ZNF277: variants seen among roughly 807,000 people sequenced by gnomAD.
ZNF277 encodes the protein zinc finger protein 277.
ZNF277 carries 55 observed loss-of-function variants against 60.7 expected under a neutral mutation model. That is an observed-to-expected ratio of 0.91 (90% confidence interval 0.73 to 1.13). ZNF277 has a LOEUF of 1.13. Ranked by LOEUF, ZNF277 falls within the 50% of genes most tolerant of loss-of-function variation. The pLI is 0.00. For synonymous variants in ZNF277, 178 were observed against 179.3 expected (o/e 0.99, Z 0.06); for missense variants, 510 against 523.0 (o/e 0.98, Z 0.24).
chr7:112,239,106 G>A (rs1242162626), intron 1 of ZNF277, among the ~76,000 whole-genome samples: 2 of 151,984 alleles, frequency 1.3e-5, no homozygotes, highest in African/African-American at 4.8e-5. Flanking sequence ...GGCATCAGGT[G>A]TGACCCAGCA....
intron 4 of ZNF277, among the ~76,000 whole-genome samples, chr7:112,309,585 T>C (rs546222594): frequency 6.6e-6 from 1 of 152,000 alleles, no homozygotes; most frequent in African/African-American, 2.4e-5. Flanking sequence ...TGTTGTTTTT[T>C]CTATTAATCC....
chr7:112,327,414 GC>G (rs1793123404), intron 5 of ZNF277, among the ~76,000 whole-genome samples: 1 of 152,194 alleles, frequency 6.6e-6, no homozygotes, highest in Admixed American at 6.5e-5. Flanking sequence ...TTTCTGTGCA[GC>G]CTGCTTCCTA....
At chr7:112,306,037 GATTA>G (rs550956107) in intron 4 of ZNF277, among the ~76,000 whole-genome samples, 1 of 152,032 alleles carries the variant, frequency 6.6e-6, no homozygotes, top group Non-Finnish European at 1.5e-5. Context: ...TTCTGCATCT[GATTA>G]ATGAGAATTT....
Position 112,238,503 on chromosome 7 carries a change from A to G in ZNF277, c.91+31696A>G, listed in dbSNP as rs79412881. Among the ~76,000 whole-genome samples, 782 of 152,280 alleles carry G rather than the reference A, an allele frequency of 5.1e-3. 14 individuals are homozygous for G. Among genetic ancestry groups the G allele is most frequent in the East Asian group, 0.051 (260 of 5,148 alleles). On this transcript the variant is annotated intron_variant, in intron 1 of 11. Coordinates refer to ENST00000361822, the MANE Select transcript of ZNF277 (RefSeq NM_021994.3). ...CCACAAGTAGTGTGATTCCTGGACA[A>G]ATCCTTGTGCTGTGCTGGGCTTGGA...
At position 112,296,228 on chromosome 7, in the gene ZNF277, G is replaced by T. The variant is rs181316730; in HGVS notation, c.383-1G>T. ...TATTTGTTTTCCTAATCTCTCAACA[G>T]AAGAACAAGAGAATTATTTTTTGTT... On this transcript the variant is annotated splice_acceptor_variant, in intron 3 of 11. Coordinates refer to ENST00000361822, the MANE Select transcript of ZNF277 (RefSeq NM_021994.3). LOFTEE classifies it high-confidence loss of function. 5.3e-5 allele frequency: 82 copies of T among 1,559,470 alleles called. No individual in the cohort carries two copies. Among genetic ancestry groups the T allele is most frequent in the Middle Eastern group, 1.7e-4 (1 of 5,930 alleles).
chr7:112,229,717 C>G (rs947303043), intron 1 of ZNF277, among the ~76,000 whole-genome samples: 1 of 152,222 alleles, frequency 6.6e-6, no homozygotes, highest in Non-Finnish European at 1.5e-5. Flanking sequence ...AAGTTCCTGT[C>G]TTGAAGGAGC....
intron 1 of ZNF277, among the ~76,000 whole-genome samples, chr7:112,274,137 GTT>G (rs1221514245): frequency 2.0e-5 from 3 of 151,706 alleles, no homozygotes; most frequent in African/African-American, 7.3e-5. Context: ...ACTTTCAAAA[GTT>G]TATTTTTTAT....
At chr7:112,286,401 A>G (rs1280253220) in intron 1 of ZNF277, among the ~76,000 whole-genome samples, 1 of 152,240 alleles carries the variant, frequency 6.6e-6, no homozygotes, top group African/African-American at 2.4e-5. Context: ...AAGAGTTTGC[A>G]GATGCGACAG....
At chr7:112,264,465 G>A (rs1791501670) in intron 1 of ZNF277, among the ~76,000 whole-genome samples, 1 of 152,034 alleles carries the variant, frequency 6.6e-6, no homozygotes, top group Non-Finnish European at 1.5e-5. Context: ...AGAAATGTAT[G>A]CAACCTAAGC....
intron 4 of ZNF277, among the ~76,000 whole-genome samples, chr7:112,309,195 C>G (rs1792667383): frequency 6.6e-6 from 1 of 151,908 alleles, no homozygotes; most frequent in South Asian, 2.1e-4. Flanking sequence ...GCAGTTTTTA[C>G]AAGAGTCAAC....
intron 1 of ZNF277, among the ~76,000 whole-genome samples, chr7:112,262,794 G>A (rs1587128770): frequency 6.6e-6 from 1 of 152,154 alleles, no homozygotes; most frequent in East Asian, 1.9e-4. Context: ...GGTTATAAAA[G>A]TTGATATATA....
chr7:112,319,976 C>T (rs908037755), intron 5 of ZNF277, among the ~76,000 whole-genome samples: 13 of 151,766 alleles, frequency 8.6e-5, no homozygotes, highest in East Asian at 3.9e-4. Context: ...AAAATATTTC[C>T]GATTTTATGT....
At chr7:112,341,175 G>A (rs545797227) in intron 11 of ZNF277, 129 bp downstream of exon 11, 2 of 775,166 alleles carry the variant, frequency 2.6e-6, no homozygotes, top group Non-Finnish European at 3.7e-6. Flanking sequence ...CATCAGTACA[G>A]TGTGGGGAAA....
chr7:112,209,523 A>G (rs928905477), intron 1 of ZNF277, among the ~76,000 whole-genome samples: 1 of 152,176 alleles, frequency 6.6e-6, no homozygotes, highest in African/African-American at 2.4e-5. Context: ...TGCGGTATCT[A>G]TAACATAAAA....
chr7:112,279,313 A>G (rs1463149322), intron 1 of ZNF277, among the ~76,000 whole-genome samples: 1 of 152,118 alleles, frequency 6.6e-6, no homozygotes, highest in Non-Finnish European at 1.5e-5. Context: ...TTACATTCCC[A>G]CCAACAGTAC....
At chr7:112,229,460 A>G (rs980709360) in intron 1 of ZNF277, among the ~76,000 whole-genome samples, 1 of 152,260 alleles carries the variant, frequency 6.6e-6, no homozygotes, top group African/African-American at 2.4e-5. Context: ...ACTGCATCTC[A>G]TAACCAACTT....
Position 112,206,737 on chromosome 7 carries a change from G to T in ZNF277, c.21G>T (p.Gln7His). 6.2e-7 allele frequency: 1 copy of T among 1,613,054 alleles called. No individual in the cohort carries two copies. The highest frequency in any genetic ancestry group is 1.1e-5 in the South Asian group (1 of 91,014). MAASKT[Q>H]GAVARMQEDR... ...GGGTAATGGCTGCTTCCAAGACCCA[G>T]GGGGCTGTCGCCCGAATGCAGGAAG... The change falls in exon 1 of 12, where the codon CAG becomes CAT. Residue 7 changes from glutamine to histidine, a missense_variant. Physicochemically the swap from Gln to His is conservative, Grantham distance 24 (BLOSUM62 0). Transcript: ENST00000361822.
chr7:112,316,999 C>G (rs1157680259), intron 4 of ZNF277, among the ~76,000 whole-genome samples: 1 of 151,956 alleles, frequency 6.6e-6, no homozygotes, highest in African/African-American at 2.4e-5. Flanking sequence ...ATGTCCTTAG[C>G]AAGGACATGG....
At chr7:112,256,711 G>T (rs550600276) in intron 1 of ZNF277, among the ~76,000 whole-genome samples, 2 of 152,248 alleles carry the variant, frequency 1.3e-5, no homozygotes, top group East Asian at 3.9e-4. Context: ...CTCCCAAAGT[G>T]CTGGGATTAC....
Sources: allele counts gnomAD v4.1 joint callset (sites outside exome capture counted in the v4.1 genomes callset), GRCh38; gene constraint gnomAD v4.1.1; transcripts MANE v1.5; gene names NCBI Gene and HGNC (gene_info 2026-07-23, HGNC 2026-07-21).